The following LMAN1L variants were observed in gnomAD, a reference collection of about 807,000 sequenced individuals.
The protein encoded by LMAN1L is protein ERGIC-53-like.
A neutral mutation model predicts 58.3 loss-of-function variants in LMAN1L; 60 were observed. The observed-to-expected ratio is 1.03, with a 90% CI of 0.84 to 1.27. The LOEUF is 1.27. LMAN1L is among the 50% of genes most tolerant of loss of function. The probability of loss-of-function intolerance (pLI) is 0.00; values close to 1 mark genes in which losing one functional copy is unlikely to be tolerated. For synonymous variants in LMAN1L, 280 were observed against 271.6 expected (o/e 1.03, Z -0.31); for missense variants, 629 against 674.0 (o/e 0.93, Z 0.74).
chr15:74,817,849 TA>T (rs1398197803), intron 4 of LMAN1L, among the ~76,000 whole-genome samples: 8 of 151,630 alleles, frequency 5.3e-5, no homozygotes, highest in African/African-American at 1.9e-4. Flanking sequence ...CTGTCTCTAC[TA>T]AAAATTAAAA....
At chr15:74,820,885 A>G (rs2063913499) in intron 8 of LMAN1L, 118 bp downstream of exon 8, 6 of 1,417,020 alleles carry the variant, frequency 4.2e-6, no homozygotes, top group Non-Finnish European at 5.7e-6. Flanking sequence ...GCCACATCTA[A>G]GCAGGCCCTG....
chr15:74,813,368 C>T (rs1596377023), intron 1 of LMAN1L: 1 of 481,580 alleles, frequency 2.1e-6, no homozygotes, highest in East Asian at 6.1e-5. Context: ...CCCAGGCACA[C>T]AGAAGGCAAT....
At chr15:74,821,492 C>T (rs2063916372) in intron 9 of LMAN1L, among the ~76,000 whole-genome samples, 2 of 152,210 alleles carry the variant, frequency 1.3e-5, no homozygotes, top group South Asian at 4.1e-4. Flanking sequence ...CAGAAATAGA[C>T]TAGGTGCTAA....
Position 74,824,382 on chromosome 15 carries a change from G to T in LMAN1L, c.1355G>T (p.Gly452Val). ...KAAAKAPRPP[G>V]QPPRASSCLQ... ...GCAGCCAAGGCCCCCCGCCCACCTG[G>T]CCAGCCCCCAAGGGCCTCCTCGTGC... Residue 452 changes from glycine to valine, a missense_variant, in exon 13 of 14, where the codon GGC becomes GTC. Gly to Val is a moderately radical substitution (Grantham distance 109). Around this residue, in one of 3 missense-constraint regions of LMAN1L, gnomAD observed 573 missense variants for 597.3 expected, o/e 0.96. Transcript: ENST00000309664. 1 of 1,613,874 alleles carries T rather than the reference G, an allele frequency of 6.2e-7. No individual in the cohort carries two copies. Among genetic ancestry groups the T allele is most frequent in the South Asian group, 1.1e-5 (1 of 91,070 alleles).
At chr15:74,813,397 C>T (rs2141112007) in intron 1 of LMAN1L, 2 of 465,422 alleles carry the variant, frequency 4.3e-6, no homozygotes, top group African/African-American at 2.0e-5. Flanking sequence ...GCACAAACCT[C>T]CACTCTCCCG....
At chr15:74,814,265 C>A (rs1277015343) in intron 1 of LMAN1L, among the ~76,000 whole-genome samples, 1 of 150,764 alleles carries the variant, frequency 6.6e-6, no homozygotes, top group Non-Finnish European at 1.5e-5. Flanking sequence ...GTGATCTTGG[C>A]TCACTGCAAC....
In LMAN1L at chr15:74,825,540, C is replaced by A. The variant is rs753604630; in HGVS notation, c.1516C>A (p.Pro506Thr). ...STGSLPLGPA[P>T]HTPRALGILR... ...AGGCAGCCTTCCTCTGGGTCCTGCA[C>A]CACACACCCCCAGGGCCCTGGGGAT... Residue 506 changes from proline to threonine, a missense_variant, in exon 14 of 14, where the codon CCA becomes ACA. Pro to Thr is a conservative substitution (Grantham distance 38). Around this residue, in one of 3 missense-constraint regions of LMAN1L, gnomAD observed 53 missense variants for 59.7 expected, o/e 0.89. Transcript: ENST00000309664. 6.2e-7 allele frequency: 1 copy of A among 1,613,712 alleles called. No individual in the cohort carries two copies. The highest frequency in any genetic ancestry group is 8.5e-7 in the Non-Finnish European group (1 of 1,179,752).
In LMAN1L at chr15:74,824,482, G is replaced by A; in HGVS notation, c.1451+4G>A. On this transcript the variant is annotated splice_donor_region_variant and intron_variant, in intron 13 of 13. Transcript: ENST00000309664. ...TCTTCGGCTACGTGCACTTCAGGTG[G>A]GCCACCCCGTGAGCAGGATTTCCCA... 6.2e-7 allele frequency: 1 copy of A among 1,614,068 alleles called. No individual in the cohort carries two copies.
chr15:74,815,917 C>A (rs2063888039), intron 1 of LMAN1L, among the ~76,000 whole-genome samples: 1 of 152,258 alleles, frequency 6.6e-6, no homozygotes, highest in Non-Finnish European at 1.5e-5. Context: ...ACAGACAGCA[C>A]ACACTGCGGT....
chr15:74,825,671 T>G lies in LMAN1L; in HGVS notation c.*66T>G. On this transcript the variant is annotated 3_prime_UTR_variant, in exon 14 of 14. Coordinates refer to ENST00000309664, the MANE Select transcript of LMAN1L (RefSeq NM_021819.3). ...GTGTCTTGGGTGGGGGCTTGGTCAGTATCCTCTCCGTCTGGGTGCCCAGCT... is the reference window on the plus strand; with the variant it reads ...GTGTCTTGGGTGGGGGCTTGGTCAGGATCCTCTCCGTCTGGGTGCCCAGCT... 1 of 1,540,872 alleles carries G rather than the reference T, an allele frequency of 6.5e-7. No homozygotes were observed. Among genetic ancestry groups the G allele is most frequent in the Non-Finnish European group, 8.8e-7 (1 of 1,132,018 alleles).
chr15:74,825,724 C>T lies in LMAN1L; in HGVS notation c.*119C>T. 1 of 971,134 alleles carries T rather than the reference C, an allele frequency of 1.0e-6. No homozygotes were observed. 60.2% of individuals were successfully genotyped at this position (971,134 alleles called of 1,614,324 possible). A position where few individuals can be genotyped will look rare whatever the true frequency, so the allele number is the denominator to read the frequency against. On this transcript the variant is annotated 3_prime_UTR_variant, in exon 14 of 14. Coordinates refer to ENST00000309664, the MANE Select transcript of LMAN1L (RefSeq NM_021819.3). ...CACGCACACCTGAGCTTTCGGCATG[C>T]TCCCACCTCGTTAAAGGTGATTTCC...
At chr15:74,822,491 G>A (rs2063921555) in intron 10 of LMAN1L, 151 bp from the exon 11 acceptor site, 1 of 630,300 alleles carries the variant, frequency 1.6e-6, no homozygotes, top group Admixed American at 2.8e-5. Flanking sequence ...TTATGGATGA[G>A]GTCAGAGAAA....
chr15:74,825,592 G>T lies in LMAN1L; in HGVS notation c.1568G>T (p.Ser523Ile), dbSNP rs199876789. The change falls in exon 14 of 14, where the codon AGC becomes ATC. Residue 523 changes from serine (S) to isoleucine (I), a missense_variant. Transcript: ENST00000309664. ...GILRRQPLPASMPA is the reference protein window; with the variant it reads ...GILRRQPLPAIMPA ...CTGAGGAGGCAGCCTCTCCCTGCCAGCATGCCTGCCTGACCCACCTCAGAG... is the reference window on the plus strand; with the variant it reads ...CTGAGGAGGCAGCCTCTCCCTGCCATCATGCCTGCCTGACCCACCTCAGAG... 38 of 1,611,608 alleles carry T rather than the reference G, an allele frequency of 2.4e-5. No homozygotes were observed. The East Asian group carries it at 8.3e-4, about 35-fold the overall frequency.
chr15:74,818,744 C>T lies in LMAN1L; in HGVS notation c.524C>T (p.Ser175Phe). ...GATGGAGCTAGCCAAGGGCTGGGCT[C>T]CTGTCATTGGGACTTCCGGAACCGG... ...PGDGASQGLGSCHWDFRNRPH... is the reference protein window; with the variant it reads ...PGDGASQGLGFCHWDFRNRPH... The change falls in exon 5 of 14, where the codon TCC becomes TTC. Residue 175 changes from serine to phenylalanine, a missense_variant. Physicochemically the swap from Ser to Phe is radical, Grantham distance 155 (BLOSUM62 -2). Coordinates refer to ENST00000309664, the MANE Select transcript of LMAN1L (RefSeq NM_021819.3). 6.2e-7 allele frequency: 1 copy of T among 1,611,248 alleles called. No homozygotes were observed. Among genetic ancestry groups the T allele is most frequent in the South Asian group, 1.1e-5 (1 of 90,210 alleles).
At chr15:74,814,380 T>TTTG (rs1567222956) in intron 1 of LMAN1L, among the ~76,000 whole-genome samples, 1 of 123,744 alleles carries the variant, frequency 8.1e-6, no homozygotes, top group Non-Finnish European at 1.7e-5. Flanking sequence ...TTGTTTTTGT[T>TTTG]TTTTTTTTTT....
intron 4 of LMAN1L, among the ~76,000 whole-genome samples, chr15:74,817,882 G>A (rs1336796705): frequency 2.6e-5 from 4 of 151,792 alleles, no homozygotes; most frequent in South Asian, 2.1e-4. Context: ...GTGTGGTGGC[G>A]AGCACCTGTA....
At chr15:74,814,374 T>TTTC (rs2063880321) in intron 1 of LMAN1L, among the ~76,000 whole-genome samples, 1 of 126,180 alleles carries the variant, frequency 7.9e-6, no homozygotes, top group Non-Finnish European at 1.7e-5. Flanking sequence ...TTGTTTTTGT[T>TTTC]TTTGTTTTTT....
Position 74,812,909 on chromosome 15 carries a change from G to C in LMAN1L, c.55G>C (p.Asp19His). The change falls in exon 1 of 14, where the codon GAC becomes CAC. Residue 19 changes from aspartate (D) to histidine (H), a missense_variant. By Grantham distance (81) the Asp-to-His change is moderately conservative. Around this residue, in one of 3 missense-constraint regions of LMAN1L, gnomAD observed 573 missense variants for 597.3 expected, o/e 0.96. Transcript: ENST00000309664. ...PLFCLLLLLL[D>H]PHSPETGCPP... is the part of the protein sequence containing the mutation. The stretch of plus-strand genomic sequence containing the variant: ...ATTCTGCCTTCTCCTCCTGCTCCTG[G>C]ACCCCCACAGCCCTGAGACGGGGTG... 1 of 1,613,644 alleles carries C rather than the reference G, an allele frequency of 6.2e-7. No homozygotes were observed. The highest frequency in any genetic ancestry group is 1.1e-5 in the South Asian group (1 of 91,042).
chr15:74,818,434 C>T (rs1482582608), intron 4 of LMAN1L, among the ~76,000 whole-genome samples: 1 of 152,180 alleles, frequency 6.6e-6, no homozygotes, highest in Non-Finnish European at 1.5e-5. Flanking sequence ...GTGGCTCACA[C>T]CTGTAATCCC....
Sources: gnomAD v4.1 joint callset for allele counts (sites outside exome capture counted in the v4.1 genomes callset) on GRCh38, gnomAD v4.1.1 for gene constraint, gnomAD v4.1.1 regional missense constraint, MANE v1.5 for transcripts, NCBI Gene and HGNC (gene_info 2026-07-23, HGNC 2026-07-21) for gene names.